Variants in COL21A1 observed in about 807,000 individuals in gnomAD.
COL21A1 encodes the protein collagen alpha-1(XXI) chain.
A neutral mutation model predicts 137.9 loss-of-function variants in COL21A1; 149 were observed. The observed-to-expected ratio is 1.08, with a 90% CI of 0.95 to 1.24. The LOEUF (loss-of-function observed/expected upper bound fraction) is 1.24. Ranked by LOEUF, COL21A1 falls within the 50% of genes most tolerant of loss-of-function variation. COL21A1 has a pLI of 0.00. For missense variants in COL21A1, 1,167 were observed against 1,158.4 expected (o/e 1.01, Z -0.11); for synonymous variants, 456 against 391.5 (o/e 1.16, Z -1.95).
intron 18 of COL21A1, among the ~76,000 whole-genome samples, chr6:56,075,826 A>G (rs1292359901): frequency 1.3e-5 from 2 of 151,532 alleles, no homozygotes; most frequent in Admixed American, 1.3e-4. Context: ...AAATCAGGTG[A>G]AAAATTTTTC....
chr6:56,139,914 C>A (rs185807782), intron 12 of COL21A1, among the ~76,000 whole-genome samples: 8 of 152,204 alleles, frequency 5.3e-5, no homozygotes, highest in Admixed American at 1.3e-4. Context: ...ATCTATAATT[C>A]TTCCAATAAT....
At chr6:56,099,043 G>C (rs997861235) in intron 17 of COL21A1, among the ~76,000 whole-genome samples, 4 of 150,606 alleles carry the variant, frequency 2.7e-5, no homozygotes, top group African/African-American at 9.7e-5. Context: ...TATCTTTTTA[G>C]GTTTTATGAA....
At chr6:56,277,351 T>G (rs1395682472) in intron 1 of COL21A1, among the ~76,000 whole-genome samples, 1 of 152,132 alleles carries the variant, frequency 6.6e-6, no homozygotes, top group Non-Finnish European at 1.5e-5. Context: ...GTGTCCAGGT[T>G]TTCTCATTGC....
At chr6:56,345,559 C>T (rs1472380456) in intron 1 of COL21A1, among the ~76,000 whole-genome samples, 1 of 152,196 alleles carries the variant, frequency 6.6e-6, no homozygotes, top group Non-Finnish European at 1.5e-5. Flanking sequence ...GCTCTTCCCA[C>T]TACATGACAA....
chr6:56,352,147 T>A (rs1765724002), intron 1 of COL21A1, among the ~76,000 whole-genome samples: 1 of 150,344 alleles, frequency 6.7e-6, no homozygotes. Context: ...AAAATCAAAA[T>A]TGATGCAAAA....
intron 17 of COL21A1, among the ~76,000 whole-genome samples, chr6:56,080,754 A>ATTCTGT (rs1204147624): frequency 1.3e-5 from 2 of 151,906 alleles, no homozygotes; most frequent in Non-Finnish European, 2.9e-5. Flanking sequence ...TCCAGTTATC[A>ATTCTGT]AAATATCAGA....
At chr6:56,190,800 A>C (rs1049389199) in intron 1 of COL21A1, among the ~76,000 whole-genome samples, 1 of 152,200 alleles carries the variant, frequency 6.6e-6, no homozygotes, top group African/African-American at 2.4e-5. Context: ...CAAATCAATA[A>C]ATGTGATTCA....
chr6:56,177,011 A>C (rs1014501138), intron 3 of COL21A1, among the ~76,000 whole-genome samples: 1 of 147,450 alleles, frequency 6.8e-6, no homozygotes, highest in African/African-American at 2.6e-5. Flanking sequence ...AGGAGGGAGA[A>C]GGAGGAGGAA....
chr6:56,063,122 T>G (rs1765954941), intron 24 of COL21A1, among the ~76,000 whole-genome samples: 1 of 152,104 alleles, frequency 6.6e-6, no homozygotes, highest in African/African-American at 2.4e-5. Context: ...TGGTGAGAAA[T>G]GTAGCTTCCA....
chr6:56,258,518 G>A (rs1220776350), intron 1 of COL21A1, among the ~76,000 whole-genome samples: 2 of 151,970 alleles, frequency 1.3e-5, no homozygotes, highest in South Asian at 2.1e-4. Flanking sequence ...GGGAAGCCTC[G>A]GAGTAAGGTC....
intron 1 of COL21A1, among the ~76,000 whole-genome samples, chr6:56,334,824 G>A (rs892210048): frequency 3.3e-5 from 5 of 152,136 alleles, no homozygotes; most frequent in Admixed American, 1.3e-4. Context: ...AGTTATCACG[G>A]GAGAGGGCTC....
At chr6:56,061,521 A>G in intron 25 of COL21A1, 128 bp downstream of exon 25, 1 of 520,364 alleles carries the variant, frequency 1.9e-6, no homozygotes, top group Middle Eastern at 2.8e-4. Flanking sequence ...GGGAACTTCT[A>G]CTGAAGAAGA....
chr6:56,321,885 C>T (rs1005156564), intron 1 of COL21A1, among the ~76,000 whole-genome samples: 10 of 152,142 alleles, frequency 6.6e-5, no homozygotes, highest in African/African-American at 2.4e-4. Flanking sequence ...GGTGAAAAAG[C>T]TCAATAAGTG....
At position 56,141,868 on chromosome 6, in the gene COL21A1, A is replaced by C. The variant is rs781215860; in HGVS notation, c.1489-30T>G. 1.3e-5 allele frequency: 21 copies of C among 1,611,094 alleles called. No individual in the cohort carries two copies. The East Asian group carries it at 4.0e-4, about 31-fold the overall frequency. On this transcript the variant is annotated intron_variant, in intron 11 of 29. Coordinates refer to ENST00000244728, the MANE Select transcript of COL21A1 (RefSeq NM_030820.4). ...ATTAACCAGAAAATAAAATTTTGTTAATTATCGGTTTTAGTTCACTAAAAA... is the reference window on the plus strand; with the variant it reads ...ATTAACCAGAAAATAAAATTTTGTTCATTATCGGTTTTAGTTCACTAAAAA...
chr6:56,348,233 G>A (rs1453786903), intron 1 of COL21A1, among the ~76,000 whole-genome samples: 1 of 152,148 alleles, frequency 6.6e-6, no homozygotes, highest in East Asian at 1.9e-4. Context: ...GTCCAGAGAG[G>A]GAGGTGATCA....
chr6:56,154,806 A>ACC (rs1009450746), intron 10 of COL21A1, among the ~76,000 whole-genome samples: 3 of 152,082 alleles, frequency 2.0e-5, no homozygotes, highest in African/African-American at 7.2e-5. Flanking sequence ...ATGCTGCCCC[A>ACC]ACAACCACAC....
At chr6:56,263,703 T>G (rs1373690515) in intron 1 of COL21A1, among the ~76,000 whole-genome samples, 2 of 152,218 alleles carry the variant, frequency 1.3e-5, no homozygotes, top group Non-Finnish European at 2.9e-5. Flanking sequence ...CAATTCTGTT[T>G]TAGGCAAAAG....
At chr6:56,331,936 TTAAC>T (rs1765235686) in intron 1 of COL21A1, 2 of 152,034 alleles carry the variant, frequency 1.3e-5, no homozygotes, top group Admixed American at 1.3e-4. Flanking sequence ...GTGTACATAC[TTAAC>T]TATTTACAGA....
chr6:56,205,136 G>A (rs1472625751), intron 1 of COL21A1, among the ~76,000 whole-genome samples: 3 of 152,112 alleles, frequency 2.0e-5, no homozygotes, highest in Non-Finnish European at 4.4e-5. Context: ...GAATGAGTTT[G>A]ACAAATTGAC....
Sources: gnomAD v4.1 joint callset for allele counts (sites outside exome capture counted in the v4.1 genomes callset) on GRCh38, gnomAD v4.1.1 for gene constraint, MANE v1.5 for transcripts, NCBI Gene and HGNC (gene_info 2026-07-23, HGNC 2026-07-21) for gene names.